MED12L: variants seen among roughly 807,000 people sequenced by gnomAD.
The protein encoded by MED12L is mediator complex subunit 12L.
In MED12L, 60 loss-of-function variants were observed where a neutral mutation model predicts 281.3. The ratio of observed to expected loss-of-function variants is 0.21; its 90% CI spans 0.17 to 0.26. The LOEUF (loss-of-function observed/expected upper bound fraction) is 0.26, where lower values mean the gene tolerates loss of function less well. MED12L is among the 10% of genes least tolerant of loss of function. The probability of loss-of-function intolerance (pLI) is 1.00; values close to 1 mark genes in which losing one functional copy is unlikely to be tolerated. For synonymous variants in MED12L, 974 were observed against 987.2 expected, an observed-to-expected ratio of 0.99 and a Z score of 0.25; for missense variants, 2,146 against 2,680.9, an observed-to-expected ratio of 0.80 and a Z score of 4.41.
chr3:151,132,084 TATA>T (rs1715480687), intron 5 of MED12L, among the ~76,000 whole-genome samples: 1 of 152,216 alleles, frequency 6.6e-6, no homozygotes. Flanking sequence ...ATCAAGTGCC[TATA>T]ATAATATTTC....
At chr3:151,371,779 A>C (rs1051566582) in intron 26 of MED12L, among the ~76,000 whole-genome samples, 1 of 152,108 alleles carries the variant, frequency 6.6e-6, no homozygotes, top group Non-Finnish European at 1.5e-5. Context: ...CCTTATTTTG[A>C]ATTTTTATTA....
At chr3:151,397,457 G>C (rs1373746315) in intron 39 of MED12L, among the ~76,000 whole-genome samples, 3 of 152,212 alleles carry the variant, frequency 2.0e-5, no homozygotes, top group South Asian at 4.1e-4. Flanking sequence ...CATGGTACCT[G>C]TACTTAGGAG....
At chr3:151,100,934 CTG>C (rs1721312564) in intron 2 of MED12L, among the ~76,000 whole-genome samples, 1 of 152,136 alleles carries the variant, frequency 6.6e-6, no homozygotes, top group South Asian at 2.1e-4. Context: ...CTCAAAATAA[CTG>C]TGGCGAAGGA....
At chr3:151,145,347 G>A (rs1251148795) in intron 5 of MED12L, among the ~76,000 whole-genome samples, 1 of 152,162 alleles carries the variant, frequency 6.6e-6, no homozygotes, top group Non-Finnish European at 1.5e-5. Flanking sequence ...TGTCTGCTAG[G>A]TACTTCTGTA....
At chr3:151,089,396 C>G (rs1378985040) in intron 2 of MED12L, among the ~76,000 whole-genome samples, 1 of 149,756 alleles carries the variant, frequency 6.7e-6, no homozygotes, top group East Asian at 1.9e-4. Flanking sequence ...TGTGGGCTTC[C>G]AAGTTGGGCC....
chr3:151,275,532 C>T (rs1039631030), intron 16 of MED12L, among the ~76,000 whole-genome samples: 1 of 152,064 alleles, frequency 6.6e-6, no homozygotes, highest in Non-Finnish European at 1.5e-5. Flanking sequence ...AAGCATATGA[C>T]CAGTATTTCA....
Position 151,156,409 on chromosome 3 carries a change from G to A in MED12L, c.726+79G>A, listed in dbSNP as rs1238130080. ...AATTCCTTATAGTTTGGTGTTCTGG[G>A]GTTAAATCCTATTTTACATGAACCA... On this transcript the variant is annotated intron_variant, in intron 6 of 44. Coordinates refer to ENST00000687756, the MANE Select transcript of MED12L (RefSeq NM_001393769.1). 3.7e-6 allele frequency: 5 copies of A among 1,355,018 alleles called. No individual in the cohort carries two copies. The African/African-American group carries it at 5.9e-5, about 16-fold the overall frequency. 83.9% of individuals were successfully genotyped at this position (1,355,018 alleles called of 1,614,324 possible). A position where few individuals can be genotyped will look rare whatever the true frequency, so the allele number is the denominator to read the frequency against.
chr3:151,109,832 G>T (rs182537855), intron 2 of MED12L, among the ~76,000 whole-genome samples: 57 of 152,304 alleles, frequency 3.7e-4, no homozygotes, highest in African/African-American at 1.3e-3. Flanking sequence ...AGGAAGATGT[G>T]CAGCCTTTAG....
At chr3:151,330,365 C>T (rs532928042) in intron 16 of MED12L, among the ~76,000 whole-genome samples, 65 of 152,228 alleles carry the variant, frequency 4.3e-4, no homozygotes, top group African/African-American at 1.5e-3. Context: ...TGGTGTATTT[C>T]GAGTGCAGAG....
At position 151,208,784 on chromosome 3, in the gene MED12L, G is replaced by C. The variant is rs560527305; in HGVS notation, c.2250+15118G>C. 1.1e-4 allele frequency among the ~76,000 whole-genome samples: 17 copies of C among 152,328 alleles called. No homozygotes were observed. The South Asian group carries it at 3.5e-3, about 32-fold the overall frequency. On this transcript the variant is annotated intron_variant, in intron 16 of 44. Coordinates refer to ENST00000687756, the MANE Select transcript of MED12L (RefSeq NM_001393769.1). ...GTTCATTTGTGTCAGGAAATGGAAT[G>C]ATAGGAAAGTAAGCCCTTTGCCACA...
At chr3:151,339,109 T>A (rs1477120215) in intron 16 of MED12L, among the ~76,000 whole-genome samples, 1 of 152,172 alleles carries the variant, frequency 6.6e-6, no homozygotes, top group African/African-American at 2.4e-5. Context: ...ATTTTTTTAT[T>A]TGTTGAATGT....
chr3:151,387,050 A>G (rs1907637), intron 36 of MED12L, among the ~76,000 whole-genome samples: 136,786 of 152,260 alleles, frequency 0.9, 61,589 homozygotes, highest in African/African-American at 0.96. Flanking sequence ...AAAAGAATGC[A>G]TATAGATAAC....
intron 5 of MED12L, among the ~76,000 whole-genome samples, chr3:151,150,150 G>A (rs1389307681): frequency 6.6e-6 from 1 of 151,982 alleles, no homozygotes; most frequent in Non-Finnish European, 1.5e-5. Flanking sequence ...ATCCTTCAGA[G>A]GAATCACTAT....
At chr3:151,385,491 AT>A (rs2108176021) in intron 36 of MED12L, among the ~76,000 whole-genome samples, 1 of 152,322 alleles carries the variant, frequency 6.6e-6, no homozygotes, top group East Asian at 1.9e-4. Flanking sequence ...AATTGCATAA[AT>A]AAGTTCTGAT....
chr3:151,088,774 C>G (rs935277100), intron 2 of MED12L, among the ~76,000 whole-genome samples: 1 of 152,156 alleles, frequency 6.6e-6, no homozygotes, highest in Non-Finnish European at 1.5e-5. Context: ...GAAAGCTTGA[C>G]TCGTTTAACC....
intron 16 of MED12L, among the ~76,000 whole-genome samples, chr3:151,287,794 T>A (rs1466013599): frequency 6.6e-6 from 1 of 152,234 alleles, no homozygotes; most frequent in East Asian, 1.9e-4. Context: ...CTTGCCTCTT[T>A]AGGGATTTCT....
intron 3 of MED12L, among the ~76,000 whole-genome samples, chr3:151,119,474 C>T (rs930357913): frequency 3.3e-5 from 5 of 152,104 alleles, no homozygotes; most frequent in Admixed American, 2.0e-4. Context: ...TTGTGTGTTC[C>T]TCCGTGGTGT....
intron 5 of MED12L, among the ~76,000 whole-genome samples, chr3:151,139,864 G>C (rs1030296904): frequency 1.3e-5 from 2 of 152,172 alleles, no homozygotes; most frequent in African/African-American, 4.8e-5. Context: ...AAATCATATA[G>C]AACTATTGGA....
intron 16 of MED12L, among the ~76,000 whole-genome samples, chr3:151,204,250 A>G (rs1341089227): frequency 6.6e-6 from 1 of 152,138 alleles, no homozygotes; most frequent in Non-Finnish European, 1.5e-5. Context: ...AAAAGAAGAT[A>G]CCTTTCCAGG....
Sources: gnomAD v4.1 joint callset for allele counts (sites outside exome capture counted in the v4.1 genomes callset) on GRCh38, gnomAD v4.1.1 for gene constraint, MANE v1.5 for transcripts, NCBI Gene and HGNC (gene_info 2026-07-23, HGNC 2026-07-21) for gene names.